RNF213: variants seen among roughly 807,000 people sequenced by gnomAD.
RNF213 encodes the protein ring finger protein 213.
In RNF213, 341 loss-of-function variants were observed where a neutral mutation model predicts 514.4. The observed-to-expected ratio is 0.66, with a 90% CI of 0.61 to 0.73. RNF213 has a LOEUF of 0.73. RNF213 is among the 30% of genes least tolerant of loss of function. The pLI is 0.00. For missense variants in RNF213, 5,767 were observed against 6,615.6 expected, an observed-to-expected ratio of 0.87 and a Z score of 4.45; for synonymous variants, 2,655 against 2,658.2, an observed-to-expected ratio of 1.00 and a Z score of 0.04.
rs2079067371 is a variant in RNF213 at position 80,361,862 on chromosome 17, CGT to C, written c.11334_11335del (p.Ser3779AsnfsTer17). 6.2e-7 allele frequency: 1 copy of C among 1,613,078 alleles called. No homozygotes were observed. Reference sequence around the variant, plus strand: ...GAAGGATTTCATTCTCTTGACCATGCGTGTGTCAACGGAGGAGGAATTAAAGG... The same window carrying C: ...GAAGGATTTCATTCTCTTGACCATGCGTGTCAACGGAGGAGGAATTAAAGG... ...YLKDFILLTM[R>X]VSTEEELKFL... On this transcript the variant is annotated frameshift_variant, in exon 39 of 68. Coordinates refer to ENST00000582970, the MANE Select transcript of RNF213 (RefSeq NM_001256071.3). LOFTEE classifies it high-confidence loss of function.
chr17:80,314,279 GGTACTGGAGGTGATGGTGGTGGAC>G (rs2045745354), intron 15 of RNF213, among the ~76,000 whole-genome samples: 1 of 107,240 alleles, frequency 9.3e-6, no homozygotes, highest in African/African-American at 4.2e-5. Context: ...TGATGGTGGA[GGTACTGGAGGTGATGGTGGTGGAC>G]GTGATGGTGG....
intron 29 of RNF213, 62 bp from the exon 30 acceptor site, chr17:80,349,708 G>A: frequency 6.4e-7 from 1 of 1,572,550 alleles, no homozygotes; most frequent in East Asian, 2.2e-5. Flanking sequence ...TCTAAACCTG[G>A]CAGCAGACTT....
At chr17:80,289,551 C>A in intron 5 of RNF213, 108 bp from the exon 6 acceptor site, 9 of 1,215,014 alleles carry the variant, frequency 7.4e-6, no homozygotes. Context: ...GATCGCAGTA[C>A]TGCACTCCAG....
intron 54 of RNF213, among the ~76,000 whole-genome samples, chr17:80,378,709 T>C (rs1447840258): frequency 6.6e-6 from 1 of 152,158 alleles, no homozygotes; most frequent in Admixed American, 6.5e-5. Flanking sequence ...CACTTCCTTG[T>C]CCATGAAATG....
chr17:80,273,487 C>T lies in RNF213; in HGVS notation c.261+83C>T, dbSNP rs953089690. 1.2e-5 allele frequency: 19 copies of T among 1,566,840 alleles called. No homozygotes were observed. The Admixed American group carries it at 1.6e-4, about 13-fold the overall frequency. On this transcript the variant is annotated intron_variant, in intron 3 of 67. Transcript: ENST00000582970. ...ACTGCACAGCTGCCCAGCTAGCCCC[C>T]GAAAATGCCACCATGGCCCAGCCCA... is the stretch of plus-strand genomic sequence containing the variant.
At chr17:80,371,202 C>T (rs567139348) in intron 46 of RNF213, among the ~76,000 whole-genome samples, 5 of 152,240 alleles carry the variant, frequency 3.3e-5, no homozygotes, top group Non-Finnish European at 7.3e-5. Context: ...TGCACTGATA[C>T]AGTTTCAGGC....
intron 10 of RNF213, 123 bp from the exon 11 acceptor site, chr17:80,298,198 G>C: frequency 1.0e-6 from 1 of 1,000,434 alleles, no homozygotes; most frequent in Non-Finnish European, 1.5e-6. Context: ...ACTCTGCTCA[G>C]CCACGCGCGG....
chr17:80,385,691 C>A, intron 61 of RNF213, 70 bp downstream of exon 61: 2 of 1,326,238 alleles, frequency 1.5e-6, no homozygotes, highest in East Asian at 2.3e-5. Flanking sequence ...TCTCGTCAGC[C>A]TGACTCGGCC....
At position 80,303,125 on chromosome 17, in the gene RNF213, C is replaced by T. The variant is rs189040908; in HGVS notation, c.2211-3127C>T. On this transcript the variant is annotated intron_variant, in intron 11 of 67. Coordinates refer to ENST00000582970, the MANE Select transcript of RNF213 (RefSeq NM_001256071.3). ...CGTGTACAGCACTGCTCAAAACAGACAGCTGCTCCTGGCCTTGTGGAGCTT... is the reference window on the plus strand; with the variant it reads ...CGTGTACAGCACTGCTCAAAACAGATAGCTGCTCCTGGCCTTGTGGAGCTT... Among the ~76,000 whole-genome samples, 278 of 152,344 alleles carry T rather than the reference C, an allele frequency of 1.8e-3. 1 individual carries two copies. Among genetic ancestry groups the T allele is most frequent in the African/African-American group, 6.4e-3 (266 of 41,586 alleles).
At chr17:80,381,103 G>T (rs2079981633) in intron 56 of RNF213, 116 bp downstream of exon 56, 11 of 1,061,434 alleles carry the variant, frequency 1.0e-5, no homozygotes, top group African/African-American at 1.6e-5. Context: ...GAGATAATTA[G>T]TCTACAAAGT....
At chr17:80,276,918 G>A (rs1246335342) in intron 3 of RNF213, among the ~76,000 whole-genome samples, 1 of 151,758 alleles carries the variant, frequency 6.6e-6, no homozygotes, top group Non-Finnish European at 1.5e-5. Flanking sequence ...TTAGCTGGGC[G>A]TGGTGGCGTA....
chr17:80,311,477 C>T (rs1042174516), intron 14 of RNF213, among the ~76,000 whole-genome samples: 2 of 152,220 alleles, frequency 1.3e-5, no homozygotes, highest in Non-Finnish European at 2.9e-5. Flanking sequence ...GTTTCGTTTT[C>T]TGTCGGCCCC....
chr17:80,294,664 G>C, intron 8 of RNF213, 56 bp from the exon 9 acceptor site: 1 of 1,598,136 alleles, frequency 6.3e-7, no homozygotes, highest in Non-Finnish European at 8.6e-7. Context: ...CTAGTGTCTA[G>C]GTCTCCAGGG....
intron 11 of RNF213, among the ~76,000 whole-genome samples, chr17:80,299,684 A>T (rs568873504): frequency 1.5e-4 from 23 of 152,248 alleles, no homozygotes; most frequent in African/African-American, 5.5e-4. Flanking sequence ...AGTACCCATT[A>T]GCTATTTTTC....
At position 80,393,747 on chromosome 17, in the gene RNF213, G is replaced by T; in HGVS notation, c.*249G>T. ...TTATGAGTACTGTTCATTGAGAGATGACAATGAAGATTAGATGAAATTGGA... is the reference window on the plus strand; with the variant it reads ...TTATGAGTACTGTTCATTGAGAGATTACAATGAAGATTAGATGAAATTGGA... On this transcript the variant is annotated 3_prime_UTR_variant, in exon 68 of 68. Coordinates refer to ENST00000582970, the MANE Select transcript of RNF213 (RefSeq NM_001256071.3). 1 of 481,012 alleles carries T rather than the reference G, an allele frequency of 2.1e-6. No individual in the cohort carries two copies. The highest frequency in any genetic ancestry group is 3.9e-5 in the East Asian group (1 of 25,950). 29.8% of individuals were successfully genotyped at this position (481,012 alleles called of 1,614,324 possible). A position where few individuals can be genotyped will look rare whatever the true frequency, so the allele number is the denominator to read the frequency against.
chr17:80,387,325 C>T (rs183047020), intron 63 of RNF213, among the ~76,000 whole-genome samples: 173 of 152,306 alleles, frequency 1.1e-3, no homozygotes, highest in Admixed American at 4.7e-3. Context: ...CGGCTGGTCT[C>T]GAACTCTTGG....
intron 56 of RNF213, 180 bp downstream of exon 56, chr17:80,381,167 G>A (rs932096187): frequency 7.1e-6 from 5 of 705,950 alleles, no homozygotes; most frequent in Middle Eastern, 3.6e-4. Flanking sequence ...GATGGTATGG[G>A]GGGAACTACT....
chr17:80,297,070 G>A (rs2044978788), intron 10 of RNF213, among the ~76,000 whole-genome samples: 1 of 152,138 alleles, frequency 6.6e-6, no homozygotes, highest in Non-Finnish European at 1.5e-5. Flanking sequence ...AGTTAGTGCC[G>A]GGGCTTAAAG....
At chr17:80,306,695 C>T (rs898699362) in intron 12 of RNF213, among the ~76,000 whole-genome samples, 2 of 151,842 alleles carry the variant, frequency 1.3e-5, no homozygotes, top group African/African-American at 4.8e-5. Flanking sequence ...ACTAAAAATA[C>T]AAAAAAATTA....
Sources: gnomAD v4.1 joint callset for allele counts (sites outside exome capture counted in the v4.1 genomes callset) on GRCh38, gnomAD v4.1.1 for gene constraint, MANE v1.5 for transcripts, NCBI Gene and HGNC (gene_info 2026-07-23, HGNC 2026-07-21) for gene names.